The following AGO3 variants were observed in gnomAD, a reference collection of about 807,000 sequenced individuals.
AGO3 encodes the protein argonaute RISC catalytic component 3.
AGO3 carries 16 observed loss-of-function variants against 105.5 expected under a neutral mutation model. That is an observed-to-expected ratio of 0.15 (90% CI 0.10 to 0.23). The LOEUF (loss-of-function observed/expected upper bound fraction) is 0.23, where lower values mean the gene tolerates loss of function less well. AGO3 is among the 10% of genes least tolerant of loss of function. The probability of loss-of-function intolerance (pLI) is 1.00; values close to 1 mark genes in which losing one functional copy is unlikely to be tolerated. For missense variants in AGO3, 534 were observed against 1,088.0 expected (o/e 0.49, Z 7.16); for synonymous variants, 340 against 367.3 (o/e 0.93, Z 0.85).
At chr1:35,993,615 A>C (rs1647902681) in intron 5 of AGO3, among the ~76,000 whole-genome samples, 1 of 152,068 alleles carries the variant, frequency 6.6e-6, no homozygotes, top group South Asian at 2.1e-4. Context: ...ATTCCTCCTC[A>C]CAAAACTCCA....
At chr1:35,963,899 A>C (rs1365456443) in intron 2 of AGO3, among the ~76,000 whole-genome samples, 2 of 152,132 alleles carry the variant, frequency 1.3e-5, no homozygotes, top group Non-Finnish European at 2.9e-5. Flanking sequence ...AGGAGTAGCA[A>C]ACAGAAGATA....
At chr1:36,020,309 C>T (rs2148826238) in intron 11 of AGO3, among the ~76,000 whole-genome samples, 1 of 152,254 alleles carries the variant, frequency 6.6e-6, no homozygotes, top group East Asian at 1.9e-4. Context: ...GGAGTTCATT[C>T]AAATTATGTA....
rs1643147473 is a variant in AGO3, at chr1:36,070,465, A to C, written c.*14720A>C. The C allele has an allele frequency of 1.3e-5, 2 of 152,212 alleles. No individual in the cohort carries two copies. Among genetic ancestry groups the C allele is most frequent in the African/African-American group, 2.4e-5 (1 of 41,458 alleles). The allele number at this position is 152,212 out of a possible 1,614,324, so 9.4% of individuals were successfully genotyped here. A position where few individuals can be genotyped will look rare whatever the true frequency, so the allele number is the denominator to read the frequency against. ...GCTTATGCATTTCCATGGGGGGAAGAGATTCTGTTTCTAGGAAATTACAAA... is the reference window on the plus strand; with the variant it reads ...GCTTATGCATTTCCATGGGGGGAAGCGATTCTGTTTCTAGGAAATTACAAA... On this transcript the variant is annotated 3_prime_UTR_variant, in exon 19 of 19. Coordinates refer to ENST00000373191, the MANE Select transcript of AGO3 (RefSeq NM_024852.4).
At chr1:35,969,418 A>G (rs1345234741) in intron 3 of AGO3, among the ~76,000 whole-genome samples, 1 of 152,154 alleles carries the variant, frequency 6.6e-6, no homozygotes, top group Non-Finnish European at 1.5e-5. Context: ...CTTGCTTGGC[A>G]ATTGATTATT....
intron 5 of AGO3, among the ~76,000 whole-genome samples, chr1:35,990,979 C>T (rs1430840947): frequency 1.3e-5 from 2 of 152,140 alleles, no homozygotes; most frequent in African/African-American, 4.8e-5. Context: ...CTGGATCAGG[C>T]TTACCCAGGC....
At chr1:35,996,614 T>A (rs759926445) in intron 5 of AGO3, among the ~76,000 whole-genome samples, 1 of 151,524 alleles carries the variant, frequency 6.6e-6, no homozygotes, top group Non-Finnish European at 1.5e-5. Flanking sequence ...CTACTAAAAG[T>A]ACAAAAATTA....
intron 5 of AGO3, among the ~76,000 whole-genome samples, chr1:35,999,003 C>T (rs1024038104): frequency 6.6e-6 from 1 of 152,120 alleles, no homozygotes; most frequent in African/African-American, 2.4e-5. Flanking sequence ...CCCACAGTCT[C>T]TTTATTTGAA....
At chr1:35,964,587 A>C (rs1646739618) in intron 2 of AGO3, among the ~76,000 whole-genome samples, 1 of 152,194 alleles carries the variant, frequency 6.6e-6, no homozygotes, top group Admixed American at 6.5e-5. Flanking sequence ...CAGTGAACAT[A>C]CACATGCATG....
chr1:35,945,809 T>G lies in AGO3; in HGVS notation c.137T>G (p.Val46Gly). 1 of 1,613,850 alleles carries G rather than the reference T, an allele frequency of 6.2e-7. No individual in the cohort carries two copies. The highest frequency in any genetic ancestry group is 8.5e-7 in the Non-Finnish European group (1 of 1,179,998). ...CAAGTTGAAATCCCAAAGATTGATG[T>G]CTACCTCTATGAGGTAGATATTAAA... ...CFQVEIPKID[V>G]YLYEVDIKPD... Residue 46 changes from valine to glycine, a missense_variant, in exon 2 of 19, where the codon GTC (valine) becomes GGC (glycine). This residue lies in a region of AGO3 where 161 missense variants were observed against 234.0 expected (regional missense o/e 0.69). Transcript: ENST00000373191.
intron 5 of AGO3, among the ~76,000 whole-genome samples, chr1:35,987,918 A>G (rs1208219714): frequency 2.0e-5 from 3 of 151,796 alleles, no homozygotes; most frequent in Non-Finnish European, 2.9e-5. Context: ...AAATACAAAA[A>G]TCAGCTGGGC....
At chr1:35,936,109 G>A (rs1646141126) in intron 1 of AGO3, among the ~76,000 whole-genome samples, 1 of 152,160 alleles carries the variant, frequency 6.6e-6, no homozygotes, top group Non-Finnish European at 1.5e-5. Context: ...TAACAAAACA[G>A]ATGTGAGAAA....
At chr1:35,980,202 A>G (rs1282692908) in intron 5 of AGO3, among the ~76,000 whole-genome samples, 1 of 152,078 alleles carries the variant, frequency 6.6e-6, no homozygotes, top group East Asian at 1.9e-4. Flanking sequence ...CCTTCTTTCT[A>G]CTAGTTTTAG....
chr1:36,014,126 T>C, intron 11 of AGO3, 78 bp downstream of exon 11: 4 of 1,583,912 alleles, frequency 2.5e-6, no homozygotes, highest in Non-Finnish European at 3.4e-6. Context: ...TTCTAACAGA[T>C]GTTGCCTTAA....
intron 11 of AGO3, among the ~76,000 whole-genome samples, chr1:36,024,067 G>A (rs991136319): frequency 6.7e-6 from 1 of 149,546 alleles, no homozygotes; most frequent in Admixed American, 6.7e-5. Context: ...AAGATTTCCT[G>A]TACCTTTATG....
intron 11 of AGO3, among the ~76,000 whole-genome samples, chr1:36,017,835 A>G (rs1453393277): frequency 6.6e-6 from 1 of 151,966 alleles, no homozygotes; most frequent in Non-Finnish European, 1.5e-5. Flanking sequence ...CCCAGGAGGC[A>G]GAGGTTGCAG....
At chr1:35,937,025 G>T (rs934612609) in intron 1 of AGO3, among the ~76,000 whole-genome samples, 1 of 152,076 alleles carries the variant, frequency 6.6e-6, no homozygotes, top group Non-Finnish European at 1.5e-5. Flanking sequence ...TAGTATTTCT[G>T]TGAACTTTAA....
chr1:36,031,065 A>G (rs568152689), intron 12 of AGO3, among the ~76,000 whole-genome samples: 123 of 152,320 alleles, frequency 8.1e-4, no homozygotes, highest in African/African-American at 2.9e-3. Context: ...TGCTATTACT[A>G]TTTTGAACAA....
chr1:36,035,668 A>G (rs1641968882), intron 13 of AGO3, among the ~76,000 whole-genome samples: 1 of 152,320 alleles, frequency 6.6e-6, no homozygotes, highest in African/African-American at 2.4e-5. Flanking sequence ...GAATACTAGC[A>G]TCTGTTAATA....
chr1:36,022,804 C>T (rs1419281992), intron 11 of AGO3, among the ~76,000 whole-genome samples: 1 of 151,788 alleles, frequency 6.6e-6, no homozygotes, highest in Non-Finnish European at 1.5e-5. Flanking sequence ...TGGTGGTGGA[C>T]ACCTGTAATC....
Sources: allele counts gnomAD v4.1 joint callset (sites outside exome capture counted in the v4.1 genomes callset), GRCh38; gene constraint gnomAD v4.1.1; regional missense constraint gnomAD v4.1.1; transcripts MANE v1.5; gene names NCBI Gene and HGNC (gene_info 2026-07-23, HGNC 2026-07-21).